The following TTC39B variants were observed in gnomAD, a reference collection of about 807,000 sequenced individuals.
TTC39B encodes the protein tetratricopeptide repeat domain 39B, also known as tetratricopeptide repeat protein 39B.
Under a neutral mutation model 96.6 loss-of-function variants are expected in TTC39B, and 92 were observed. The observed-to-expected ratio is 0.95, with a 90% CI of 0.80 to 1.13. TTC39B has a LOEUF of 1.13. Ranked by LOEUF, TTC39B falls within the 50% of genes most tolerant of loss-of-function variation. The pLI is 0.00. For missense variants in TTC39B, 955 were observed against 809.3 expected, an observed-to-expected ratio of 1.18 and a Z score of -2.18; for synonymous variants, 367 against 299.4, an observed-to-expected ratio of 1.23 and a Z score of -2.33.
chr9:15,292,350 C>T (rs141575591), intron 1 of TTC39B, among the ~76,000 whole-genome samples: 94 of 152,268 alleles, frequency 6.2e-4, no homozygotes, highest in African/African-American at 2.0e-3. Context: ...CAATGAGTTA[C>T]CTACATATTT....
intron 3 of TTC39B, among the ~76,000 whole-genome samples, chr9:15,223,914 A>G (rs1820983080): frequency 6.6e-6 from 1 of 151,854 alleles, no homozygotes; most frequent in South Asian, 2.1e-4. Context: ...GCTATCATGA[A>G]AACACTTCTC....
intron 1 of TTC39B, among the ~76,000 whole-genome samples, chr9:15,305,908 A>C (rs1321459499): frequency 1.3e-5 from 2 of 152,036 alleles, no homozygotes; most frequent in Non-Finnish European, 2.9e-5. Flanking sequence ...CAGTCTTGGG[A>C]TCCTCAATGC....
At chr9:15,190,629 A>G in exon 11 of TTC39B, 1 of 1,614,208 alleles carries the variant, frequency 6.2e-7, no homozygotes, top group Non-Finnish European at 8.5e-7. Flanking sequence ...CTCCTTCCTG[A>G]AGCACCTTCA....
chr9:15,267,673 C>T (rs912280), intron 2 of TTC39B, among the ~76,000 whole-genome samples: 4 of 151,986 alleles, frequency 2.6e-5, no homozygotes, highest in African/African-American at 9.7e-5. Context: ...TAAACAAATA[C>T]TTTGTTGAGA....
intron 1 of TTC39B, among the ~76,000 whole-genome samples, chr9:15,303,230 T>C (rs1030170131): frequency 1.3e-5 from 2 of 152,194 alleles, no homozygotes; most frequent in East Asian, 3.8e-4. Flanking sequence ...TTTAATATAA[T>C]GTTAAATATA....
intron 17 of TTC39B, among the ~76,000 whole-genome samples, chr9:15,178,111 C>T (rs1818055006): frequency 1.3e-5 from 2 of 152,038 alleles, no homozygotes; most frequent in African/African-American, 4.8e-5. Flanking sequence ...CCTCATGATC[C>T]ACCCACCTCG....
chr9:15,257,512 C>T (rs969430814), intron 2 of TTC39B, among the ~76,000 whole-genome samples: 1 of 151,986 alleles, frequency 6.6e-6, no homozygotes, highest in Non-Finnish European at 1.5e-5. Flanking sequence ...GCAGTGGCAC[C>T]ATCACAGCTC....
intron 1 of TTC39B, among the ~76,000 whole-genome samples, chr9:15,269,641 CA>C (rs2131554381): frequency 6.6e-6 from 1 of 152,078 alleles, no homozygotes; most frequent in South Asian, 2.1e-4. Context: ...ATCACAAGGT[CA>C]GGAGTTGGAG....
exon 20 of TTC39B, chr9:15,168,095 C>G (rs1331950618): frequency 6.6e-6 from 1 of 152,222 alleles, no homozygotes; most frequent in Non-Finnish European, 1.5e-5. Context: ...CTCCGCAAAG[C>G]AGGCTATTGG....
At chr9:15,214,284 T>C (rs2131361125) in intron 3 of TTC39B, 35 bp from the exon 4 acceptor site, 1 of 1,534,212 alleles carries the variant, frequency 6.5e-7, no homozygotes. Flanking sequence ...AGAATTTCTA[T>C]AGCTTTACGA....
At chr9:15,288,275 T>C (rs1471768783) in intron 1 of TTC39B, among the ~76,000 whole-genome samples, 1 of 152,090 alleles carries the variant, frequency 6.6e-6, no homozygotes, top group Non-Finnish European at 1.5e-5. Flanking sequence ...CCCGCAGCCC[T>C]AAATGAGAAT....
chr9:15,209,566 T>G (rs1282083306), intron 6 of TTC39B, among the ~76,000 whole-genome samples: 2 of 152,238 alleles, frequency 1.3e-5, no homozygotes, highest in African/African-American at 4.8e-5. Flanking sequence ...TATTGTAAGT[T>G]TTCAAACTGT....
At chr9:15,249,903 A>G (rs1822455068) in intron 2 of TTC39B, 5 of 1,256,438 alleles carry the variant, frequency 4.0e-6, no homozygotes, top group African/African-American at 1.6e-5. Flanking sequence ...TGCTAAATAA[A>G]TATGACATAC....
At chr9:15,229,215 G>C (rs1373097205) in intron 2 of TTC39B, among the ~76,000 whole-genome samples, 2 of 152,140 alleles carry the variant, frequency 1.3e-5, no homozygotes, top group African/African-American at 4.8e-5. Context: ...TGTACAGTCT[G>C]AGCTACATTT....
intron 2 of TTC39B, among the ~76,000 whole-genome samples, chr9:15,258,412 A>C (rs1822831544): frequency 6.6e-6 from 1 of 152,232 alleles, no homozygotes; most frequent in African/African-American, 2.4e-5. Context: ...CAGATAAACA[A>C]AGGAGGTGGA....
In TTC39B at chr9:15,184,071, A is replaced by C. The variant is rs143536743; in HGVS notation, c.1614+1209T>G. On this transcript the variant is annotated intron_variant, in intron 16 of 19. Transcript: ENST00000512701. ...TAAGAAAACAATCAACAACCCAATG[A>C]AAAATTAGGAAAGAATATGAACAAC... 1.7e-4 allele frequency among the ~76,000 whole-genome samples: 26 copies of C among 152,328 alleles called. No homozygotes were observed. In the East Asian group the frequency reaches 5.0e-3, roughly 29 times the overall value.
chr9:15,253,763 G>A (rs1240978304), intron 2 of TTC39B, among the ~76,000 whole-genome samples: 1 of 151,978 alleles, frequency 6.6e-6, no homozygotes, highest in African/African-American at 2.4e-5. Context: ...TAAGGGTTTT[G>A]TCATAACAAT....
intron 8 of TTC39B, among the ~76,000 whole-genome samples, chr9:15,194,609 G>A (rs552435449): frequency 5.2e-4 from 79 of 152,292 alleles, no homozygotes; most frequent in African/African-American, 1.6e-3. Flanking sequence ...GCAACTCTGT[G>A]TTGAGCAAGT....
chr9:15,199,612 G>A (rs867911047), intron 8 of TTC39B, among the ~76,000 whole-genome samples: 11 of 151,512 alleles, frequency 7.3e-5, no homozygotes, highest in African/African-American at 2.4e-4. Context: ...GCGGGCGCCT[G>A]TAGTCCCAGC....
Sources: gnomAD v4.1 joint callset for allele counts (sites outside exome capture counted in the v4.1 genomes callset) on GRCh38, gnomAD v4.1.1 for gene constraint, MANE v1.5 for transcripts, NCBI Gene and HGNC (gene_info 2026-07-23, HGNC 2026-07-21) for gene names.